The following MYO1E variants were observed in gnomAD, a reference collection of about 807,000 sequenced individuals.
The protein encoded by MYO1E is myosin IE, also known as unconventional myosin-Ie.
Under a neutral mutation model 151.1 loss-of-function variants are expected in MYO1E, and 68 were observed. The observed-to-expected ratio is 0.45, with a 90% confidence interval of 0.37 to 0.55. The LOEUF is 0.55. Ranked by LOEUF, MYO1E falls within the 20% of genes least tolerant of loss-of-function variation. The pLI is 0.00. For synonymous variants in MYO1E, 601 were observed against 501.7 expected (o/e 1.20, Z -2.64); for missense variants, 1,363 against 1,389.3 (o/e 0.98, Z 0.30).
At position 59,252,342 on chromosome 15, in the gene MYO1E, G is replaced by A. The variant is rs997143642; in HGVS notation, c.332+3942C>T. 6.6e-5 allele frequency among the ~76,000 whole-genome samples: 10 copies of A among 152,216 alleles called. No homozygotes were observed. The South Asian group carries it at 1.0e-3, about 16-fold the overall frequency. On this transcript the variant is annotated intron_variant, in intron 4 of 27. Transcript: ENST00000288235. ...TCGTGCCTGTAATCCCAGCACTTTC[G>A]GAAGCTGAGGTAGGCAGATAACTTG...
At chr15:59,312,819 G>C (rs1391142665) in intron 1 of MYO1E, among the ~76,000 whole-genome samples, 1 of 152,022 alleles carries the variant, frequency 6.6e-6, no homozygotes, top group Non-Finnish European at 1.5e-5. Flanking sequence ...TGGAGATCGA[G>C]ACCATCTGGC....
chr15:59,214,094 C>A, intron 12 of MYO1E, 134 bp downstream of exon 12: 2 of 693,928 alleles, frequency 2.9e-6, no homozygotes, highest in South Asian at 2.1e-5. Context: ...TATGGTTTTT[C>A]TGCCTGACTT....
At chr15:59,216,258 A>G (rs1433484377) in intron 10 of MYO1E, among the ~76,000 whole-genome samples, 5 of 152,058 alleles carry the variant, frequency 3.3e-5, no homozygotes, top group African/African-American at 7.2e-5. Flanking sequence ...TCACTCACAT[A>G]ATAACAGAGT....
chr15:59,207,850 T>G lies in MYO1E; in HGVS notation c.1530+831A>C. 6.8e-6 allele frequency: 11 copies of G among 1,614,228 alleles called. No homozygotes were observed. The highest frequency in any genetic ancestry group is 9.3e-6 in the Non-Finnish European group (11 of 1,180,032). On this transcript the variant is annotated intron_variant, in intron 14 of 27. Transcript: ENST00000288235. ...TTATACTTCTTGGGCCATTGGCCTATCTGTGGCCGATTTAACAGAAAGTAT... is the reference window on the plus strand; with the variant it reads ...TTATACTTCTTGGGCCATTGGCCTAGCTGTGGCCGATTTAACAGAAAGTAT...
intron 1 of MYO1E, among the ~76,000 whole-genome samples, chr15:59,370,787 C>T (rs2080940008): frequency 6.6e-6 from 1 of 152,166 alleles, no homozygotes. Context: ...CCTCAAGGTA[C>T]CACTCAAGTA....
At chr15:59,338,288 T>TC (rs1555421179) in intron 1 of MYO1E, among the ~76,000 whole-genome samples, 3 of 150,822 alleles carry the variant, frequency 2.0e-5, no homozygotes, top group Non-Finnish European at 4.4e-5. Context: ...TATTGACTTT[T>TC]TTTTTTTTTT....
chr15:59,138,441 G>C, intron 26 of MYO1E, 74 bp from the exon 27 acceptor site: 1 of 1,542,094 alleles, frequency 6.5e-7, no homozygotes, highest in South Asian at 1.1e-5. Flanking sequence ...TTTGGAGCAT[G>C]GCGGCCGGCA....
chr15:59,168,879 C>G (rs1190443484), intron 22 of MYO1E, among the ~76,000 whole-genome samples: 1 of 152,194 alleles, frequency 6.6e-6, no homozygotes, highest in East Asian at 1.9e-4. Flanking sequence ...GCCTTGGTCT[C>G]CCAAAGTGCT....
intron 1 of MYO1E, among the ~76,000 whole-genome samples, chr15:59,316,412 T>G (rs1333102482): frequency 2.0e-5 from 3 of 152,174 alleles, no homozygotes; most frequent in Non-Finnish European, 4.4e-5. Context: ...GCCAAAATGC[T>G]AATTAACTCA....
intron 2 of MYO1E, among the ~76,000 whole-genome samples, chr15:59,271,996 A>G (rs1478542974): frequency 6.6e-6 from 1 of 152,276 alleles, no homozygotes; most frequent in Non-Finnish European, 1.5e-5. Context: ...CACAGCCTGA[A>G]CCAAGTGATA....
intron 18 of MYO1E, among the ~76,000 whole-genome samples, chr15:59,181,811 A>G (rs1022374859): frequency 1.3e-5 from 2 of 152,206 alleles, no homozygotes; most frequent in African/African-American, 4.8e-5. Flanking sequence ...CTGGGTATTA[A>G]TATATCCTTT....
intron 19 of MYO1E, among the ~76,000 whole-genome samples, chr15:59,177,783 C>G (rs2079633819): frequency 6.6e-6 from 1 of 152,192 alleles, no homozygotes; most frequent in African/African-American, 2.4e-5. Context: ...ATTATGAATG[C>G]CTTACTGGTA....
chr15:59,317,299 A>G (rs1201169117), intron 1 of MYO1E, among the ~76,000 whole-genome samples: 1 of 152,238 alleles, frequency 6.6e-6, no homozygotes, highest in African/African-American at 2.4e-5. Flanking sequence ...AGAGCTGTGT[A>G]TGCTAAGACA....
chr15:59,145,221 G>A (rs1429726722), intron 26 of MYO1E, among the ~76,000 whole-genome samples: 31 of 152,118 alleles, frequency 2.0e-4, no homozygotes, highest in African/African-American at 4.3e-4. Flanking sequence ...ACTCCCAGCC[G>A]AGGCAATTGG....
chr15:59,272,980 C>T (rs2080296989), intron 1 of MYO1E, among the ~76,000 whole-genome samples: 1 of 152,212 alleles, frequency 6.6e-6, no homozygotes, highest in Non-Finnish European at 1.5e-5. Flanking sequence ...CATAATTTCT[C>T]AAGTCATCTA....
intron 1 of MYO1E, among the ~76,000 whole-genome samples, chr15:59,334,572 A>T (rs2140425001): frequency 6.6e-6 from 1 of 152,288 alleles, no homozygotes; most frequent in South Asian, 2.1e-4. Flanking sequence ...GTAACAGCAT[A>T]TTCCCCCCAC....
chr15:59,195,322 C>A, intron 17 of MYO1E, 139 bp downstream of exon 17: 1 of 778,142 alleles, frequency 1.3e-6, no homozygotes, highest in African/African-American at 1.7e-5. Flanking sequence ...CAGCTTTTGT[C>A]CTGAAAAAGT....
At chr15:59,311,792 A>T (rs1162316840) in intron 1 of MYO1E, among the ~76,000 whole-genome samples, 1 of 152,212 alleles carries the variant, frequency 6.6e-6, no homozygotes, top group African/African-American at 2.4e-5. Context: ...CTGCCCTCAT[A>T]AATAAATGGA....
chr15:59,302,833 G>C (rs1459469783), intron 1 of MYO1E, among the ~76,000 whole-genome samples: 2 of 152,180 alleles, frequency 1.3e-5, no homozygotes, highest in Non-Finnish European at 2.9e-5. Flanking sequence ...AAAGACACTT[G>C]CCAATTTAGA....
Sources: allele counts gnomAD v4.1 joint callset (sites outside exome capture counted in the v4.1 genomes callset), GRCh38; gene constraint gnomAD v4.1.1; transcripts MANE v1.5; gene names NCBI Gene and HGNC (gene_info 2026-07-23, HGNC 2026-07-21).